Variants in SCN8A observed in about 807,000 individuals in gnomAD.
SCN8A encodes sodium voltage-gated channel alpha subunit 8.
SCN8A carries 30 observed loss-of-function variants against 184.1 expected under a neutral mutation model. That is an observed-to-expected ratio of 0.16 (90% CI 0.12 to 0.22). The LOEUF (loss-of-function observed/expected upper bound fraction) is 0.22, where lower values mean the gene tolerates loss of function less well. Ranked by LOEUF, SCN8A falls within the 10% of genes least tolerant of loss-of-function variation. The pLI is 1.00. For synonymous variants in SCN8A, 852 were observed against 907.0 expected, an observed-to-expected ratio of 0.94 and a Z score of 1.09; for missense variants, 1,057 against 2,498.9, an observed-to-expected ratio of 0.42 and a Z score of 12.30.
Position 51,662,947 on chromosome 12 carries a change from C to T in SCN8A, c.130C>T (p.His44Tyr). 2 of 1,614,056 alleles carry T rather than the reference C, an allele frequency of 1.2e-6. No homozygotes were observed. Among genetic ancestry groups the T allele is most frequent in the Non-Finnish European group, 1.7e-6 (2 of 1,179,908 alleles). The change falls in exon 2 of 27, where the codon CAT (histidine) becomes TAT (tyrosine). Residue 44 changes from histidine (H) to tyrosine (Y), a missense_variant. Transcript: ENST00000627620. ...LKKPPKADGS[H>Y]REDDEDSKPK... ...GAAACCACCAAAGGCCGATGGCAGT[C>T]ATCGGGAGGACGATGAGGACAGCAA...
chr12:51,715,894 G>A (rs748728580), intron 11 of SCN8A, among the ~76,000 whole-genome samples: 6 of 152,126 alleles, frequency 3.9e-5, no homozygotes, highest in Non-Finnish European at 7.3e-5. Flanking sequence ...CCTAATCTAA[G>A]TGCATGTTAA....
At chr12:51,733,560 G>GT (rs1235063146) in intron 12 of SCN8A, among the ~76,000 whole-genome samples, 1 of 152,106 alleles carries the variant, frequency 6.6e-6, no homozygotes, top group Non-Finnish European at 1.5e-5. Context: ...TCTGGTTTTA[G>GT]TATCAGAGTA....
intron 13 of SCN8A, among the ~76,000 whole-genome samples, chr12:51,749,289 G>A (rs1000562952): frequency 6.6e-6 from 1 of 152,124 alleles, no homozygotes; most frequent in Non-Finnish European, 1.5e-5. Flanking sequence ...AATTTTCTTG[G>A]TGCCCTGTAG....
intron 22 of SCN8A, among the ~76,000 whole-genome samples, chr12:51,787,440 G>C (rs1938117322): frequency 1.3e-5 from 2 of 152,190 alleles, no homozygotes; most frequent in South Asian, 4.1e-4. Context: ...ACAACATAAT[G>C]CAGTGAAAGC....
Position 51,699,616 on chromosome 12 carries a change from G to A in SCN8A, c.753G>A (p.Leu251=), listed in dbSNP as rs1402827564. ...VGALIQSVKK[L]SDVMILTVFC... ...CCCTGATTCAGTCTGTGAAGAAACT[G>A]TCAGATGTGATGATCCTGACAGTGT... Residue 251 remains leucine (L), a synonymous_variant, in exon 7 of 27, where the codon CTG becomes CTA. Coordinates refer to ENST00000627620, the MANE Select transcript of SCN8A (RefSeq NM_001330260.2). The A allele has an allele frequency of 6.2e-7, 1 of 1,614,084 alleles. No homozygotes were observed. Among genetic ancestry groups the A allele is most frequent in the Admixed American group, 1.7e-5 (1 of 60,034 alleles).
intron 1 of SCN8A, among the ~76,000 whole-genome samples, chr12:51,626,145 A>G (rs905111577): frequency 1.3e-5 from 2 of 152,178 alleles, no homozygotes; most frequent in Non-Finnish European, 2.9e-5. Context: ...CAGGAGAAAC[A>G]GGTTAGAATT....
intron 10 of SCN8A, among the ~76,000 whole-genome samples, chr12:51,705,841 GCTC>G (rs1350535374): frequency 6.6e-6 from 1 of 152,056 alleles, no homozygotes; most frequent in East Asian, 1.9e-4. Context: ...TTGTTGAATT[GCTC>G]AACTGTTCAG....
chr12:51,730,615 A>G (rs921899711), intron 12 of SCN8A, among the ~76,000 whole-genome samples: 5 of 152,178 alleles, frequency 3.3e-5, no homozygotes, highest in Admixed American at 6.5e-5. Flanking sequence ...GGTACATGAG[A>G]TACTTTGATA....
At chr12:51,747,164 C>A (rs1444323479) in intron 13 of SCN8A, among the ~76,000 whole-genome samples, 1 of 147,932 alleles carries the variant, frequency 6.8e-6, no homozygotes, top group African/African-American at 2.5e-5. Context: ...GGGAGAGTCC[C>A]TAGAAAAGAA....
intron 23 of SCN8A, 21 bp from the exon 24 acceptor site, chr12:51,789,260 T>C: frequency 6.2e-7 from 1 of 1,613,406 alleles, no homozygotes; most frequent in Non-Finnish European, 8.5e-7. Flanking sequence ...ATTCTCTTCC[T>C]TTTATCCTGT....
chr12:51,667,932 C>G (rs1272993689), intron 2 of SCN8A, among the ~76,000 whole-genome samples: 2 of 152,058 alleles, frequency 1.3e-5, no homozygotes, highest in Non-Finnish European at 2.9e-5. Flanking sequence ...GCCTGTAATC[C>G]CAGCACTTTG....
intron 1 of SCN8A, among the ~76,000 whole-genome samples, chr12:51,639,019 C>T (rs140353920): frequency 1.3e-3 from 199 of 152,196 alleles, no homozygotes; most frequent in African/African-American, 4.6e-3. Flanking sequence ...CTCGCTTTAT[C>T]GCTCAGGCTT....
At chr12:51,780,501 G>T in intron 20 of SCN8A, 148 bp from the exon 21 acceptor site, 1 of 556,790 alleles carries the variant, frequency 1.8e-6, no homozygotes, top group Non-Finnish European at 2.9e-6. Flanking sequence ...CTACCTGGGG[G>T]GCCCAATCTG....
intron 9 of SCN8A, 121 bp from the exon 10 acceptor site, chr12:51,705,296 C>A: frequency 3.6e-6 from 3 of 829,084 alleles, no homozygotes; most frequent in Non-Finnish European, 5.7e-6. Context: ...GAGTACTGCA[C>A]AAGGAAACAG....
intron 12 of SCN8A, among the ~76,000 whole-genome samples, chr12:51,741,516 G>T (rs912377427): frequency 6.6e-6 from 1 of 151,882 alleles, no homozygotes. Flanking sequence ...TTGTTTTCTG[G>T]TTGTTTTGCG....
In SCN8A at chr12:51,701,047, A is replaced by G. The variant is rs189940779; in HGVS notation, c.929-97A>G. ...GGAAAAGATTTATGAGCTAAAGTCA[A>G]TAACTTTCTGCTGGGGCTAGTTAGG... On this transcript the variant is annotated intron_variant, in intron 7 of 26. Coordinates refer to ENST00000627620, the MANE Select transcript of SCN8A (RefSeq NM_001330260.2). 89 of 757,750 alleles carry G rather than the reference A, an allele frequency of 1.2e-4. No homozygotes were observed. In the African/African-American group the frequency reaches 1.4e-3, roughly 12 times the overall value. 46.9% of individuals were successfully genotyped at this position (757,750 alleles called of 1,614,324 possible). A position where few individuals can be genotyped will look rare whatever the true frequency, so the allele number is the denominator to read the frequency against.
At chr12:51,800,367 CA>C (rs1287607411) in intron 26 of SCN8A, among the ~76,000 whole-genome samples, 2 of 152,252 alleles carry the variant, frequency 1.3e-5, no homozygotes, top group African/African-American at 4.8e-5. Context: ...GACTTCTGCA[CA>C]GGCCAAATAG....
Position 51,809,587 on chromosome 12 carries a change from G to A in SCN8A, c.*2158G>A, listed in dbSNP as rs967359200. 4 of 152,230 alleles carry A rather than the reference G, an allele frequency of 2.6e-5. No individual in the cohort carries two copies. Among genetic ancestry groups the A allele is most frequent in the African/African-American group, 9.6e-5 (4 of 41,464 alleles). 9.4% of individuals were successfully genotyped at this position (152,230 alleles called of 1,614,324 possible). On this transcript the variant is annotated 3_prime_UTR_variant, in exon 27 of 27. Transcript: ENST00000627620. ...AGACTGGGAAGGCCTATCTTTCAGTGACCCTGCTAACTGCTAGGATGAATG... is the reference window on the plus strand; with the variant it reads ...AGACTGGGAAGGCCTATCTTTCAGTAACCCTGCTAACTGCTAGGATGAATG...
In SCN8A at chr12:51,706,506, A is replaced by C. The variant is rs1060501008; in HGVS notation, c.1426A>C (p.Ser476Arg). Residue 476 changes from serine to arginine, a missense_variant, in exon 11 of 27, where the codon AGC (serine) becomes CGC (arginine). By Grantham distance (110) the Ser-to-Arg change is moderately radical (BLOSUM62 -1). Coordinates refer to ENST00000627620, the MANE Select transcript of SCN8A (RefSeq NM_001330260.2). Reference sequence around the variant, plus strand: ...TGAAGAAGGAGGGGGCTCCCCTCGGAGCTCTTCTGAAATCTCTAAACTCAG... The same window carrying C: ...TGAAGAAGGAGGGGGCTCCCCTCGGCGCTCTTCTGAAATCTCTAAACTCAG... Reference protein sequence around the residue: ...EGEEGGGSPRSSSEISKLSSK... With the variant: ...EGEEGGGSPRRSSEISKLSSK... 3 of 1,605,278 alleles carry C rather than the reference A, an allele frequency of 1.9e-6. No homozygotes were observed. The highest frequency in any genetic ancestry group is 1.7e-6 in the Non-Finnish European group (2 of 1,175,872).
Sources: gnomAD v4.1 joint callset for allele counts (sites outside exome capture counted in the v4.1 genomes callset) on GRCh38, gnomAD v4.1.1 for gene constraint, MANE v1.5 for transcripts, NCBI Gene and HGNC (gene_info 2026-07-23, HGNC 2026-07-21) for gene names.